The following VPS8 variants were observed in gnomAD, a reference collection of about 807,000 sequenced individuals.
VPS8 encodes the protein vacuolar protein sorting-associated protein 8 homolog.
A neutral mutation model predicts 216.4 loss-of-function variants in VPS8; 129 were observed. The ratio of observed to expected loss-of-function variants is 0.60; its 90% CI spans 0.52 to 0.69. The LOEUF (loss-of-function observed/expected upper bound fraction) is 0.69. VPS8 is among the 30% of genes least tolerant of loss of function. VPS8 has a pLI of 0.00. For missense variants in VPS8, 1,531 were observed against 1,683.5 expected, an observed-to-expected ratio of 0.91 and a Z score of 1.59; for synonymous variants, 571 against 565.4, an observed-to-expected ratio of 1.01 and a Z score of -0.14.
chr3:185,051,741 C>T lies in VPS8; in HGVS notation c.4138-135C>T, dbSNP rs894188511. The T allele has an allele frequency of 7.2e-6, 8 of 1,117,290 alleles. No individual in the cohort carries two copies. In the East Asian group the frequency reaches 2.0e-4, roughly 28 times the overall value. The allele number at this position is 1,117,290 out of a possible 1,614,324, so 69.2% of individuals were successfully genotyped here. On this transcript the variant is annotated intron_variant, in intron 47 of 47. Transcript: ENST00000625842. ...CACTGCTCGTTTGTGATATATGGAC[C>T]TAAGATTCAAACCCTGCATGTTACT...
intron 1 of VPS8, among the ~76,000 whole-genome samples, chr3:184,815,218 G>A (rs989397805): frequency 6.6e-6 from 1 of 152,124 alleles, no homozygotes; most frequent in Non-Finnish European, 1.5e-5. Context: ...ACACTCTAAA[G>A]ATAAAAAGTA....
intron 43 of VPS8, among the ~76,000 whole-genome samples, 159 bp downstream of exon 43, chr3:184,994,222 C>T (rs1752312627): frequency 6.6e-6 from 1 of 151,960 alleles, no homozygotes; most frequent in Non-Finnish European, 1.5e-5. Flanking sequence ...TTTTCTCTCG[C>T]CAGGCATGGT....
intron 34 of VPS8, 68 bp from the exon 35 acceptor site, chr3:184,936,178 C>A: frequency 7.2e-7 from 1 of 1,384,994 alleles, no homozygotes; most frequent in East Asian, 2.5e-5. Flanking sequence ...GTAATCGTGC[C>A]TCACATCTGT....
intron 39 of VPS8, among the ~76,000 whole-genome samples, chr3:184,971,251 A>C (rs1387183863): frequency 2.0e-5 from 3 of 152,206 alleles, no homozygotes; most frequent in Admixed American, 1.3e-4. Context: ...TCATTGAGAA[A>C]ATGAAGAGAG....
chr3:184,901,257 C>T, intron 25 of VPS8: 1 of 330,462 alleles, frequency 3.0e-6, no homozygotes, highest in Non-Finnish European at 5.5e-6. Flanking sequence ...TGCTATGTAA[C>T]CTTTGGTGTT....
At chr3:185,017,102 C>G (rs1300742836) in intron 45 of VPS8, among the ~76,000 whole-genome samples, 1 of 151,964 alleles carries the variant, frequency 6.6e-6, no homozygotes, top group Non-Finnish European at 1.5e-5. Flanking sequence ...CTTGTGCTCC[C>G]CATTGTTGTA....
chr3:184,823,176 A>G (rs1413001510), intron 1 of VPS8, among the ~76,000 whole-genome samples: 1 of 152,250 alleles, frequency 6.6e-6, no homozygotes, highest in East Asian at 1.9e-4. Context: ...AATTTTTAGC[A>G]TATTGTTTAA....
intron 46 of VPS8, among the ~76,000 whole-genome samples, chr3:185,043,750 GA>G (rs1401156832): frequency 2.6e-5 from 4 of 152,292 alleles, no homozygotes; most frequent in South Asian, 4.1e-4. Context: ...TTTATAGAAT[GA>G]TGGGATGAGT....
At chr3:185,025,187 C>T (rs968835358) in intron 46 of VPS8, among the ~76,000 whole-genome samples, 11 of 152,276 alleles carry the variant, frequency 7.2e-5, no homozygotes, top group African/African-American at 2.2e-4. Flanking sequence ...GTATGACTGA[C>T]GGTTTTACAC....
In VPS8 at chr3:184,987,262, C is replaced by T. The variant is rs928650213; in HGVS notation, c.3585+4168C>T. ...CCAAATGGCTGGGATTACAGGCATA[C>T]ACCACCGTGCCCAGCTAATTTTTGT... On this transcript the variant is annotated intron_variant, in intron 42 of 47. Coordinates refer to ENST00000625842, the MANE Select transcript of VPS8 (RefSeq NM_001009921.3). Among the ~76,000 whole-genome samples, 6 of 152,180 alleles carry T rather than the reference C, an allele frequency of 3.9e-5. No homozygotes were observed. The East Asian group carries it at 1.2e-3, about 29-fold the overall frequency.
At chr3:184,934,580 A>G (rs1318871672) in intron 34 of VPS8, among the ~76,000 whole-genome samples, 1 of 152,162 alleles carries the variant, frequency 6.6e-6, no homozygotes, top group Non-Finnish European at 1.5e-5. Flanking sequence ...AAGGATTTTT[A>G]TGGAAGTTTT....
intron 35 of VPS8, among the ~76,000 whole-genome samples, chr3:184,938,649 C>CTTTTTTTTTT (rs113635324): frequency 7.1e-6 from 1 of 140,726 alleles, no homozygotes; most frequent in African/African-American, 2.6e-5. Context: ...TTCTTTTTTT[C>CTTTTTTTTTT]TTTTTTTTTT....
intron 21 of VPS8, among the ~76,000 whole-genome samples, 188 bp downstream of exon 21, chr3:184,870,993 G>A (rs969015587): frequency 1.3e-5 from 2 of 152,112 alleles, no homozygotes; most frequent in Non-Finnish European, 2.9e-5. Context: ...TGAGTAAAAC[G>A]TTGTGGAGTG....
At chr3:184,892,668 C>G (rs1732584249) in intron 22 of VPS8, among the ~76,000 whole-genome samples, 1 of 152,106 alleles carries the variant, frequency 6.6e-6, no homozygotes, top group Non-Finnish European at 1.5e-5. Flanking sequence ...TTTCTTGCTT[C>G]TTTATATTAT....
At chr3:184,891,730 A>G (rs561357167) in intron 22 of VPS8, among the ~76,000 whole-genome samples, 2 of 152,272 alleles carry the variant, frequency 1.3e-5, no homozygotes, top group Middle Eastern at 3.4e-3. Flanking sequence ...TTTTATAAAT[A>G]AGGAAACCAG....
rs1560267498 is a variant in VPS8 at position 184,824,729 on chromosome 3, CTT to C, written c.99_100del (p.Ser34LysfsTer16). 1 of 1,613,706 alleles carries C rather than the reference CTT, an allele frequency of 6.2e-7. No homozygotes were observed. The highest frequency in any genetic ancestry group is 1.1e-5 in the South Asian group (1 of 91,044). ...TAAGTCTTTCAATCTAGAAGCTTCA[CTT>C]TCAAAATTCTCTTACATAGATATGG... ...LNKSFNLEAS[L>X]SKFSYIDMDK... On this transcript the variant is annotated frameshift_variant, in exon 2 of 48. Coordinates refer to ENST00000625842, the MANE Select transcript of VPS8 (RefSeq NM_001009921.3). LOFTEE classifies it high-confidence loss of function.
intron 42 of VPS8, among the ~76,000 whole-genome samples, chr3:184,985,610 T>C (rs1750940651): frequency 6.6e-6 from 1 of 152,208 alleles, no homozygotes; most frequent in Admixed American, 6.5e-5. Context: ...CAGAAGGAGC[T>C]GTGGGAAAGT....
At chr3:184,879,971 T>C (rs1729999170) in intron 21 of VPS8, among the ~76,000 whole-genome samples, 1 of 152,218 alleles carries the variant, frequency 6.6e-6, no homozygotes, top group African/African-American at 2.4e-5. Flanking sequence ...TCTAAATTGA[T>C]AAAGACCTGG....
chr3:184,996,216 TC>T lies in VPS8; in HGVS notation c.3667-115del. 4.8e-6 allele frequency: 6 copies of T among 1,247,438 alleles called. No individual in the cohort carries two copies. The South Asian group carries it at 1.0e-4, about 21-fold the overall frequency. 77.3% of individuals were successfully genotyped at this position (1,247,438 alleles called of 1,614,324 possible). A position where few individuals can be genotyped will look rare whatever the true frequency, so the allele number is the denominator to read the frequency against. On this transcript the variant is annotated intron_variant, in intron 43 of 47. Coordinates refer to ENST00000625842, the MANE Select transcript of VPS8 (RefSeq NM_001009921.3). The stretch of plus-strand genomic sequence containing the variant: ...CAATGTTATCCCTTTATAGTGTGTT[TC>T]AATTTTAGCTGTTGGTAGTTGAAAA...
Sources: allele counts gnomAD v4.1 joint callset (sites outside exome capture counted in the v4.1 genomes callset), GRCh38; gene constraint gnomAD v4.1.1; transcripts MANE v1.5; gene names NCBI Gene and HGNC (gene_info 2026-07-23, HGNC 2026-07-21).